Variants in FKBP5 observed in about 807,000 individuals in gnomAD.
FKBP5 encodes the protein FKBP prolyl isomerase 5.
FKBP5 carries 23 observed loss-of-function variants against 50.5 expected under a neutral mutation model. The observed-to-expected ratio is 0.46, with a 90% CI of 0.33 to 0.65. The LOEUF (loss-of-function observed/expected upper bound fraction) is 0.65, where lower values mean the gene tolerates loss of function less well. Ranked by LOEUF, FKBP5 falls within the 30% of genes least tolerant of loss-of-function variation. The pLI, the probability that FKBP5 is intolerant of heterozygous loss-of-function variation, is 0.02. For synonymous variants in FKBP5, 176 were observed against 190.6 expected, an observed-to-expected ratio of 0.92 and a Z score of 0.63; for missense variants, 411 against 553.1, an observed-to-expected ratio of 0.74 and a Z score of 2.58.
intron 5 of FKBP5, among the ~76,000 whole-genome samples, 194 bp from the exon 6 acceptor site, chr6:35,597,598 A>T (rs560454047): frequency 1.3e-5 from 2 of 152,334 alleles, no homozygotes; most frequent in Admixed American, 6.5e-5. Context: ...CATATTTCTA[A>T]ATTAAACTTG....
intron 8 of FKBP5, chr6:35,582,336 T>C (rs923183408): frequency 2.5e-5 from 24 of 967,546 alleles, no homozygotes; most frequent in Admixed American, 6.2e-5. Flanking sequence ...TAAATTCCTA[T>C]GTTGAAGCCC....
At chr6:35,612,717 G>C (rs1244111770) in intron 5 of FKBP5, among the ~76,000 whole-genome samples, 2 of 152,194 alleles carry the variant, frequency 1.3e-5, no homozygotes, top group Non-Finnish European at 2.9e-5. Flanking sequence ...GAGCCAGCAG[G>C]GTTTCCCTGC....
rs143557566 is a variant in FKBP5 at position 35,642,738 on chromosome 6, T to C, written c.87A>G (p.Lys29=). ...GCCTCACCTTTAATACTCCCCTGTC[T>C]TTTTTGGAGGTAATATCCTCTCCCT... ...AEQGEDITSK[K]DRGVLKIVKR... is the part of the protein sequence containing the mutation. Residue 29 remains lysine, a synonymous_variant, in exon 2 of 11, where the codon AAA becomes AAG. Coordinates refer to ENST00000357266, the MANE Select transcript of FKBP5 (RefSeq NM_004117.4). The C allele has an allele frequency of 3.7e-6, 6 of 1,613,134 alleles. No individual in the cohort carries two copies. The African/African-American group carries it at 4.0e-5, about 11-fold the overall frequency.
At chr6:35,582,214 A>T (rs370672199) in intron 8 of FKBP5, 1 of 985,346 alleles carries the variant, frequency 1.0e-6, no homozygotes. Context: ...TCTGCCTCAG[A>T]AGTGTGTGAT....
At chr6:35,597,425 G>A (rs1763011244) in intron 5 of FKBP5, 21 bp from the exon 6 acceptor site, 3 of 1,607,872 alleles carry the variant, frequency 1.9e-6, no homozygotes, top group Admixed American at 1.7e-5. Context: ...GGAGACAGGA[G>A]AGTCAACAGA....
chr6:35,673,412 C>T lies in FKBP5; in HGVS notation c.-20+15392G>A, dbSNP rs146669208. ...AGAAAATTTAAAAATTAGCCAGGTG[C>T]GGTGGTGTGCACCTTTAGTCCCAAC... On this transcript the variant is annotated intron_variant, in intron 1 of 10. Coordinates refer to ENST00000357266, the MANE Select transcript of FKBP5 (RefSeq NM_004117.4). 6.3e-4 allele frequency among the ~76,000 whole-genome samples: 96 copies of T among 151,882 alleles called. 1 individual carries two copies. In the East Asian group the frequency reaches 0.011, roughly 18 times the overall value.
rs1561846529 is a variant in FKBP5 at position 35,589,112 on chromosome 6, ATATATATATATATATATT to A, written c.756+2000_757-1996del. The stretch of plus-strand genomic sequence containing the variant: ...TATTTTTATATATATATATATTTTT[ATATATATATATATATATT>A]TTTTTTTTTTTCCTCTGAGACGGAG... On this transcript the variant is annotated intron_variant, in intron 7 of 10. Transcript: ENST00000357266. Among the ~76,000 whole-genome samples the A allele has an allele frequency of 5.3e-4, 64 of 121,188 alleles. 1 individual carries two copies. The highest frequency in any genetic ancestry group is 1.4e-3 in the African/African-American group (41 of 29,610). The allele number at this position is 121,188 out of a possible 152,430, so 79.5% of individuals were successfully genotyped here.
rs577128963 is a variant in FKBP5 at position 35,613,846 on chromosome 6, T to C, written c.508+5250A>G. On this transcript the variant is annotated intron_variant, in intron 5 of 10. Coordinates refer to ENST00000357266, the MANE Select transcript of FKBP5 (RefSeq NM_004117.4). ...TAAAATTTCCCAGGAAAGTACATTCTAACAAGATGAAAGACAAAAGATTAG... is the reference window on the plus strand; with the variant it reads ...TAAAATTTCCCAGGAAAGTACATTCCAACAAGATGAAAGACAAAAGATTAG... Among the ~76,000 whole-genome samples the C allele has an allele frequency of 3.9e-5, 6 of 152,340 alleles. No individual in the cohort carries two copies. In the South Asian group the frequency reaches 8.3e-4, roughly 21 times the overall value.
intron 1 of FKBP5, among the ~76,000 whole-genome samples, chr6:35,653,974 A>G (rs1764882572): frequency 6.6e-6 from 1 of 152,210 alleles, no homozygotes; most frequent in South Asian, 2.1e-4. Flanking sequence ...ATTGTATAAT[A>G]TTACCTTCAG....
intron 2 of FKBP5, among the ~76,000 whole-genome samples, chr6:35,717,984 G>A (rs146349673): frequency 2.6e-5 from 4 of 152,298 alleles, no homozygotes; most frequent in South Asian, 2.1e-4. Context: ...TTCCTCCAAC[G>A]GTGGCTGGCA....
At chr6:35,687,795 A>G (rs1765873370) in intron 1 of FKBP5, among the ~76,000 whole-genome samples, 1 of 152,186 alleles carries the variant, frequency 6.6e-6, no homozygotes, top group African/African-American at 2.4e-5. Context: ...GGGTATCTAC[A>G]ATTCTGCATC....
At chr6:35,693,128 ATTTG>A (rs1298324596), upstream of FKBP5, among the ~76,000 whole-genome samples, 43 of 138,728 alleles carry the variant, frequency 3.1e-4, 1 homozygote, top group African/African-American at 1.1e-3. Flanking sequence ...ATTGAGCTCC[ATTTG>A]GTTATTCTAT....
In FKBP5 at chr6:35,615,146, A is replaced by T. The variant is rs1003569706; in HGVS notation, c.508+3950T>A. ...CGCAAACAACAACAACAACAACAAC[A>T]ACAACAACTACACACACACACACAC... On this transcript the variant is annotated intron_variant, in intron 5 of 10. Transcript: ENST00000357266. Among the ~76,000 whole-genome samples, 113 of 108,288 alleles carry T rather than the reference A, an allele frequency of 1.0e-3. No homozygotes were observed. In the East Asian group the frequency reaches 0.021, roughly 20 times the overall value. 71.0% of individuals were successfully genotyped at this position (108,288 alleles called of 152,430 possible). A position where few individuals can be genotyped will look rare whatever the true frequency, so the allele number is the denominator to read the frequency against.
At chr6:35,677,231 A>C (rs867190738) in intron 1 of FKBP5, among the ~76,000 whole-genome samples, 1 of 151,786 alleles carries the variant, frequency 6.6e-6, no homozygotes, top group Non-Finnish European at 1.5e-5. Context: ...CTGCCACCAC[A>C]CCCAGCTAAT....
At chr6:35,654,549 C>A (rs375621300) in intron 1 of FKBP5, among the ~76,000 whole-genome samples, 3 of 152,186 alleles carry the variant, frequency 2.0e-5, no homozygotes, top group East Asian at 1.9e-4. Context: ...CTACTTACTG[C>A]TGTTTTACCC....
In FKBP5 at chr6:35,636,773, A is replaced by C. The variant is rs1402264531; in HGVS notation, c.250+241T>G. ...TTACAACTGCAGCTTTTGTACCATC[A>C]GTGCAAATAAATGTCAATACAGTAA... On this transcript the variant is annotated intron_variant, in intron 3 of 10. Transcript: ENST00000357266. Among the ~76,000 whole-genome samples the C allele has an allele frequency of 4.6e-5, 7 of 152,196 alleles. No individual in the cohort carries two copies. In the South Asian group the frequency reaches 6.2e-4, roughly 13 times the overall value.
chr6:35,650,672 G>A (rs1354848370), intron 1 of FKBP5, among the ~76,000 whole-genome samples: 1 of 151,762 alleles, frequency 6.6e-6, no homozygotes, highest in East Asian at 1.9e-4. Context: ...ATGGGGTTTC[G>A]CCATGTTAGC....
At chr6:35,607,165 T>C (rs181671244) in intron 5 of FKBP5, among the ~76,000 whole-genome samples, 3 of 152,278 alleles carry the variant, frequency 2.0e-5, no homozygotes, top group African/African-American at 7.2e-5. Flanking sequence ...CTTGAACTCC[T>C]GACCTCAAAT....
intron 1 of FKBP5, among the ~76,000 whole-genome samples, chr6:35,670,344 TAGG>T (rs1036751473): frequency 3.9e-5 from 6 of 152,148 alleles, no homozygotes; most frequent in Non-Finnish European, 7.4e-5. Flanking sequence ...GACACAGAAT[TAGG>T]AGGATTCAAA....
Sources: gnomAD v4.1 joint callset for allele counts (sites outside exome capture counted in the v4.1 genomes callset) on GRCh38, gnomAD v4.1.1 for gene constraint, MANE v1.5 for transcripts, NCBI Gene and HGNC (gene_info 2026-07-23, HGNC 2026-07-21) for gene names.